The following CIROZ variants were observed in gnomAD, a reference collection of about 807,000 sequenced individuals.
CIROZ encodes the protein ciliated left-right organizer ZP-N domains-containing protein.
chr1:10,955,368 T>A, the CIROZ span, among the ~76,000 whole-genome samples: 1 of 151,980 alleles, frequency 6.6e-6, no homozygotes, highest in African/African-American at 2.4e-5. Flanking sequence ...CTTAGCTGCA[T>A]GGATGAAGAA....
At chr1:10,973,296 C>T in the CIROZ span, among the ~76,000 whole-genome samples, 6 of 152,176 alleles carry the variant, frequency 3.9e-5, no homozygotes, top group African/African-American at 9.7e-5. Flanking sequence ...TCGCTTGAAC[C>T]TGGGAGGTGG....
the CIROZ span, among the ~76,000 whole-genome samples, chr1:10,969,174 GA>G: frequency 4.6e-5 from 7 of 152,058 alleles, no homozygotes; most frequent in African/African-American, 1.7e-4. Context: ...GGTGAGATTG[GA>G]AAGCCTCCCT....
At chr1:10,969,871 A>G in the CIROZ span, 1 of 1,419,640 alleles carries the variant, frequency 7.0e-7, no homozygotes, top group Non-Finnish European at 9.2e-7. Flanking sequence ...AGTGATGCCC[A>G]GGAACCTGCA....
At chr1:10,947,585 C>T in the CIROZ span, 1 of 1,228,338 alleles carries the variant, frequency 8.1e-7, no homozygotes, top group Non-Finnish European at 1.1e-6. Context: ...TCCAGGCCGA[C>T]CCATCACTGC....
the CIROZ span, chr1:10,955,074 G>A: frequency 1.9e-6 from 3 of 1,614,082 alleles, no homozygotes; most frequent in African/African-American, 1.3e-5. Context: ...TGGACTGGTG[G>A]ACTCGGAGGA....
the CIROZ span, among the ~76,000 whole-genome samples, chr1:10,973,295 C>T: frequency 6.6e-6 from 1 of 152,186 alleles, no homozygotes; most frequent in Non-Finnish European, 1.5e-5. Flanking sequence ...ATCGCTTGAA[C>T]CTGGGAGGTG....
chr1:10,954,314 C>T, the CIROZ span, among the ~76,000 whole-genome samples: 5 of 151,978 alleles, frequency 3.3e-5, no homozygotes, highest in African/African-American at 2.4e-5. Flanking sequence ...ATTAGCTGGG[C>T]GTGGTGGTGG....
At chr1:10,954,128 G>A in the CIROZ span, 36 of 1,612,670 alleles carry the variant, frequency 2.2e-5, no homozygotes, top group East Asian at 3.3e-4. Context: ...GGGTTCCTCC[G>A]ACTTCTTGGC....
At chr1:10,956,706 T>A in the CIROZ span, among the ~76,000 whole-genome samples, 1 of 151,994 alleles carries the variant, frequency 6.6e-6, no homozygotes, top group Admixed American at 6.6e-5. Flanking sequence ...CTTGATCTCC[T>A]GACCTCGTAA....
chr1:10,961,742 G>C, the CIROZ span, among the ~76,000 whole-genome samples: 4,630 of 151,334 alleles, frequency 0.031, 92 homozygotes, highest in Non-Finnish European at 0.044. Flanking sequence ...TCAGGAGTTC[G>C]AGACTAGCCT....
chr1:10,949,783 A>T, the CIROZ span: 1 of 1,575,798 alleles, frequency 6.3e-7, no homozygotes, highest in South Asian at 1.2e-5. Context: ...TCCTCAGTGC[A>T]GCAGTTGAGG....
the CIROZ span, among the ~76,000 whole-genome samples, chr1:10,959,085 G>C: frequency 6.6e-6 from 1 of 152,176 alleles, no homozygotes; most frequent in East Asian, 1.9e-4. This position sits in a 1 kb window ranked among gnomAD's most constrained non-coding sequence, Gnocchi z 4.3. Context: ...CTGTTTCCTA[G>C]GCCTCTTGTC....
chr1:10,966,516 G>A, the CIROZ span: 1 of 1,498,482 alleles, frequency 6.7e-7, no homozygotes. Flanking sequence ...CGTGGGTTGA[G>A]CCTGTGGAGG....
chr1:10,980,377 C>T, the CIROZ span, among the ~76,000 whole-genome samples: 1 of 152,250 alleles, frequency 6.6e-6, no homozygotes, highest in Non-Finnish European at 1.5e-5. Context: ...GCGAGCCTCT[C>T]CCATGGACGG....
At chr1:10,981,312 T>C in the CIROZ span, among the ~76,000 whole-genome samples, 1 of 151,894 alleles carries the variant, frequency 6.6e-6, no homozygotes, top group Admixed American at 6.6e-5. Flanking sequence ...TACCAAAGTG[T>C]GGTGGCACAT....
chr1:10,965,535 G>A, the CIROZ span, among the ~76,000 whole-genome samples: 3 of 152,028 alleles, frequency 2.0e-5, no homozygotes, highest in African/African-American at 7.2e-5. Context: ...ACCAGCCTGG[G>A]CAACATGGTG....
At chr1:10,956,651 A>AT in the CIROZ span, among the ~76,000 whole-genome samples, 2 of 151,016 alleles carry the variant, frequency 1.3e-5, no homozygotes, top group African/African-American at 4.9e-5. Flanking sequence ...AATTTTTTGT[A>AT]TTTTTTTAGT....
chr1:10,950,627 C>A, the CIROZ span, among the ~76,000 whole-genome samples: 1 of 152,150 alleles, frequency 6.6e-6, no homozygotes, highest in Non-Finnish European at 1.5e-5. Flanking sequence ...GCCCCCTGGC[C>A]TCCGCCCACC....
the CIROZ span, among the ~76,000 whole-genome samples, chr1:10,954,478 G>C: frequency 6.7e-6 from 1 of 149,314 alleles, no homozygotes; most frequent in African/African-American, 2.5e-5. Context: ...GAAAAGAAAA[G>C]AAAAGAAAAG....
Sources: gnomAD v4.1 joint callset for allele counts (sites outside exome capture counted in the v4.1 genomes callset) on GRCh38, gnomAD v4.1.1 for gene constraint, Gnocchi (gnomAD v3.1) non-coding constraint, MANE v1.5 for transcripts, NCBI Gene and HGNC (gene_info 2026-07-23, HGNC 2026-07-21) for gene names.